Variants in ADARB2 observed in about 807,000 individuals in gnomAD.
The protein encoded by ADARB2 is inactive double-stranded RNA-specific editase B2.
In ADARB2, 25 loss-of-function variants were observed where a neutral mutation model predicts 62.2. The observed-to-expected ratio is 0.40, with a 90% CI of 0.29 to 0.56. The LOEUF is 0.56. Among genes scored for constraint, ADARB2 ranks in the 20% least tolerant of loss-of-function variants. The probability of loss-of-function intolerance (pLI) is 0.43; values close to 1 mark genes in which losing one functional copy is unlikely to be tolerated. For synonymous variants in ADARB2, 572 were observed against 500.8 expected (o/e 1.14, Z -1.90); for missense variants, 1,071 against 1,077.4 (o/e 0.99, Z 0.08).
intron 7 of ADARB2, among the ~76,000 whole-genome samples, chr10:1,214,951 C>T (rs910227891): frequency 1.3e-5 from 2 of 152,334 alleles, no homozygotes; most frequent in African/African-American, 2.4e-5. Context: ...AGCTCTCCCA[C>T]GATTTCCATG....
intron 1 of ADARB2, among the ~76,000 whole-genome samples, chr10:1,515,276 G>A (rs980359208): frequency 3.3e-5 from 5 of 152,196 alleles, no homozygotes; most frequent in African/African-American, 9.6e-5. Context: ...AGTGTGGCTC[G>A]TGCCTGGATC....
intron 1 of ADARB2, among the ~76,000 whole-genome samples, chr10:1,568,616 A>G (rs189976548): frequency 1.3e-5 from 2 of 150,864 alleles, no homozygotes; most frequent in South Asian, 4.2e-4. Flanking sequence ...GGGAGGGAGG[A>G]AGGAAGGAAG....
intron 6 of ADARB2, 61 bp from the exon 7 acceptor site, chr10:1,217,180 G>C: frequency 6.9e-7 from 1 of 1,457,880 alleles, no homozygotes; most frequent in South Asian, 1.4e-5. Flanking sequence ...TTTGGGAGGT[G>C]GGAGAAGAGG....
At chr10:1,600,661 CAAAAA>C (rs71379153) in intron 1 of ADARB2, among the ~76,000 whole-genome samples, 1 of 70,670 alleles carries the variant, frequency 1.4e-5, no homozygotes, top group Non-Finnish European at 2.5e-5. Context: ...GACTCTGTCT[CAAAAA>C]AAAAAAAAAA....
At chr10:1,728,344 A>C (rs907575147) in intron 1 of ADARB2, among the ~76,000 whole-genome samples, 2 of 152,196 alleles carry the variant, frequency 1.3e-5, no homozygotes, top group Non-Finnish European at 2.9e-5. Context: ...CCTCCCAAAG[A>C]ATTTGTGCTC....
At chr10:1,579,024 C>T (rs4880875) in intron 1 of ADARB2, among the ~76,000 whole-genome samples, 20,130 of 152,136 alleles carry the variant, frequency 0.13, 1,508 homozygotes, top group East Asian at 0.16. Context: ...AGGTGGATAG[C>T]GAGCGGGATG....
intron 1 of ADARB2, among the ~76,000 whole-genome samples, chr10:1,649,555 G>C (rs1834085341): frequency 6.6e-6 from 1 of 152,228 alleles, no homozygotes; most frequent in African/African-American, 2.4e-5. Flanking sequence ...CACAAGGTAT[G>C]GGTGTCTCAA....
chr10:1,554,986 C>T (rs1832679941), intron 1 of ADARB2, among the ~76,000 whole-genome samples: 2 of 152,126 alleles, frequency 1.3e-5, no homozygotes, highest in Admixed American at 1.3e-4. Context: ...ATTTGTTTTT[C>T]TGTTTCTGCA....
intron 6 of ADARB2, among the ~76,000 whole-genome samples, chr10:1,220,012 GTGATGGTGA>G (rs1830671528): frequency 7.5e-6 from 1 of 133,140 alleles, no homozygotes; most frequent in Non-Finnish European, 1.6e-5. Context: ...GATGGTAATG[GTGATGGTGA>G]TGATGGTGGT....
At chr10:1,725,555 G>A (rs1167310618) in intron 1 of ADARB2, among the ~76,000 whole-genome samples, 2 of 152,160 alleles carry the variant, frequency 1.3e-5, no homozygotes, top group African/African-American at 2.4e-5. Context: ...GGACCCTGAA[G>A]CAGGGAAAGC....
chr10:1,559,304 A>C (rs2676739), intron 1 of ADARB2, among the ~76,000 whole-genome samples: 1 of 152,012 alleles, frequency 6.6e-6, no homozygotes, highest in Non-Finnish European at 1.5e-5. Context: ...GGCTGTGATC[A>C]CTGGCTCTTG....
intron 1 of ADARB2, among the ~76,000 whole-genome samples, chr10:1,566,802 A>T (rs1292731592): frequency 2.0e-5 from 3 of 152,234 alleles, no homozygotes; most frequent in Admixed American, 6.5e-5. Flanking sequence ...CCATGCATGT[A>T]TATGTTCCTT....
At chr10:1,626,497 C>T (rs1425365191) in intron 1 of ADARB2, among the ~76,000 whole-genome samples, 2 of 152,194 alleles carry the variant, frequency 1.3e-5, no homozygotes, top group Non-Finnish European at 1.5e-5. Flanking sequence ...GCTCAGCAGC[C>T]GAGGTCTTTT....
At chr10:1,715,885 A>T (rs1255580039) in intron 1 of ADARB2, among the ~76,000 whole-genome samples, 2 of 152,200 alleles carry the variant, frequency 1.3e-5, no homozygotes, top group Non-Finnish European at 2.9e-5. Flanking sequence ...CACCCTTCCG[A>T]ACAGCAGCAG....
chr10:1,669,131 C>T (rs1337265647), intron 1 of ADARB2, among the ~76,000 whole-genome samples: 1 of 152,180 alleles, frequency 6.6e-6, no homozygotes, highest in African/African-American at 2.4e-5. Flanking sequence ...GATGAGAAGC[C>T]CAGGTCTGCA....
intron 1 of ADARB2, among the ~76,000 whole-genome samples, chr10:1,504,759 T>C (rs1831815043): frequency 6.6e-6 from 1 of 152,238 alleles, no homozygotes; most frequent in African/African-American, 2.4e-5. Context: ...TAAAAAATTC[T>C]TAAAAAGTAT....
rs181702386 is a variant in ADARB2 at position 1,647,388 on chromosome 10, T to C, written c.100+89663A>G. On this transcript the variant is annotated intron_variant, in intron 1 of 9. Transcript: ENST00000381312. The stretch of plus-strand genomic sequence containing the variant: ...ACACGTGTGTCTATATATGTATGCG[T>C]ATACATGTGCATACATGTGTGTGCA... Among the ~76,000 whole-genome samples the C allele has an allele frequency of 4.0e-5, 6 of 151,268 alleles. No homozygotes were observed. In the East Asian group the frequency reaches 1.2e-3, roughly 29 times the overall value.
intron 1 of ADARB2, among the ~76,000 whole-genome samples, chr10:1,386,217 TA>T (rs1023419910): frequency 1.3e-5 from 2 of 151,488 alleles, no homozygotes; most frequent in African/African-American, 4.8e-5. Flanking sequence ...AATAGAATAC[TA>T]AAAAAGATTG....
At position 1,564,096 on chromosome 10, in the gene ADARB2, T is replaced by A. The variant is rs375366193; in HGVS notation, c.100+172955A>T. Among the ~76,000 whole-genome samples the A allele has an allele frequency of 5.8e-4, 89 of 152,208 alleles. 2 individuals carry two copies. The South Asian group carries it at 0.018, about 31-fold the overall frequency. On this transcript the variant is annotated intron_variant, in intron 1 of 9. Coordinates refer to ENST00000381312, the MANE Select transcript of ADARB2 (RefSeq NM_018702.4). The stretch of plus-strand genomic sequence containing the variant: ...AATAATGCCGCAATAAACATACGTG[T>A]GCAGGTGTCTTTATAGCAACATGAT...
Sources: gnomAD v4.1 joint callset for allele counts (sites outside exome capture counted in the v4.1 genomes callset) on GRCh38, gnomAD v4.1.1 for gene constraint, MANE v1.5 for transcripts, NCBI Gene and HGNC (gene_info 2026-07-23, HGNC 2026-07-21) for gene names.